The following VPS50 variants were observed in gnomAD, a reference collection of about 807,000 sequenced individuals.
The protein encoded by VPS50 is syndetin.
Under a neutral mutation model 139.7 loss-of-function variants are expected in VPS50, and 70 were observed. That is an observed-to-expected ratio of 0.50 (90% confidence interval 0.41 to 0.61). VPS50 has a LOEUF of 0.61. Ranked by LOEUF, VPS50 falls within the 20% of genes least tolerant of loss-of-function variation. VPS50 has a pLI of 0.00. For missense variants in VPS50, 921 were observed against 1,133.7 expected (o/e 0.81, Z 2.69); for synonymous variants, 365 against 376.7 (o/e 0.97, Z 0.36).
intron 9 of VPS50, among the ~76,000 whole-genome samples, chr7:93,262,854 C>T (rs1005698506): frequency 4.6e-5 from 7 of 152,138 alleles, no homozygotes; most frequent in South Asian, 4.1e-4. Flanking sequence ...TGTTGTTTCA[C>T]TCTTTTGTTT....
chr7:93,358,413 G>T lies in VPS50; in HGVS notation c.2872G>T (p.Asp958Tyr), dbSNP rs368407161. The T allele has an allele frequency of 1.2e-6, 2 of 1,611,094 alleles. No individual in the cohort carries two copies. The highest frequency in any genetic ancestry group is 1.7e-6 in the Non-Finnish European group (2 of 1,177,716). ...ARQKLLAAID[D>Y]IDRPKR The stretch of plus-strand genomic sequence containing the variant: ...ACAAAAACTTCTAGCAGCTATAGAT[G>T]ATATAGACAGACCTAAAAGATAATG... Residue 958 changes from aspartate (D) to tyrosine (Y), a missense_variant, in exon 28 of 28, where the codon GAT (aspartate) becomes TAT (tyrosine). Around this residue, in one of 3 missense-constraint regions of VPS50, gnomAD observed 158 missense variants for 156.3 expected, o/e 1.01. Coordinates refer to ENST00000305866, the MANE Select transcript of VPS50 (RefSeq NM_017667.4).
Position 93,275,473 on chromosome 7 carries a change from G to A in VPS50, c.802-692G>A, listed in dbSNP as rs1484759011. Among the ~76,000 whole-genome samples the A allele has an allele frequency of 3.9e-5, 6 of 151,970 alleles. No homozygotes were observed. The East Asian group carries it at 7.7e-4, about 20-fold the overall frequency. On this transcript the variant is annotated intron_variant, in intron 11 of 27. Coordinates refer to ENST00000305866, the MANE Select transcript of VPS50 (RefSeq NM_017667.4). The stretch of plus-strand genomic sequence containing the variant: ...CCATCAACATTGAGACAAGACCCTC[G>A]ACCAGAAAAAAGATCGACTCACTGA...
Position 93,276,202 on chromosome 7 carries a change from C to G in VPS50, c.839C>G (p.Ala280Gly). The change falls in exon 12 of 28, where the codon GCC becomes GGC. Residue 280 changes from alanine (A) to glycine (G), a missense_variant. Around this residue, in one of 3 missense-constraint regions of VPS50, gnomAD observed 744 missense variants for 930.6 expected, o/e 0.80. Coordinates refer to ENST00000305866, the MANE Select transcript of VPS50 (RefSeq NM_017667.4). Reference sequence around the variant, plus strand: ...CAACTTCATATGCACTTCACCCAAGCCATTCACAACACCGTGTTTCAAGTT... The same window carrying G: ...CAACTTCATATGCACTTCACCCAAGGCATTCACAACACCGTGTTTCAAGTT... ...MDQLHMHFTQ[A>G]IHNTVFQVVL... 2 of 1,613,188 alleles carry G rather than the reference C, an allele frequency of 1.2e-6. No homozygotes were observed. Among genetic ancestry groups the G allele is most frequent in the Non-Finnish European group, 1.7e-6 (2 of 1,179,450 alleles).
At chr7:93,342,291 A>G (rs1364609730) in intron 23 of VPS50, among the ~76,000 whole-genome samples, 2 of 152,246 alleles carry the variant, frequency 1.3e-5, no homozygotes, top group East Asian at 1.9e-4. Flanking sequence ...ACGGTGCATC[A>G]GGAGATTATA....
rs79141253 is a variant in VPS50 at position 93,358,272 on chromosome 7, C to T, written c.2776-45C>T. On this transcript the variant is annotated intron_variant, in intron 27 of 27. Coordinates refer to ENST00000305866, the MANE Select transcript of VPS50 (RefSeq NM_017667.4). ...GTTCTTTTGTTGCACTGATCAGATA[C>T]ATTCCTTTTAGGGTACTAAATTTGG... is the stretch of plus-strand genomic sequence containing the variant. 518 of 1,593,256 alleles carry T rather than the reference C, an allele frequency of 3.3e-4. No homozygotes were observed. The African/African-American group carries it at 6.3e-3, about 19-fold the overall frequency.
intron 21 of VPS50, among the ~76,000 whole-genome samples, chr7:93,333,433 A>G (rs188030059): frequency 1.2e-4 from 18 of 152,306 alleles, no homozygotes; most frequent in African/African-American, 4.3e-4. Flanking sequence ...CACAGAGAAC[A>G]TTGTAACATT....
intron 12 of VPS50, among the ~76,000 whole-genome samples, chr7:93,291,494 T>C (rs1436790853): frequency 6.6e-6 from 1 of 152,096 alleles, no homozygotes; most frequent in African/African-American, 2.4e-5. Flanking sequence ...TGGGCTGATA[T>C]TCTTAATGTG....
In VPS50 at chr7:93,331,436, C is replaced by G. The variant is rs1263814671; in HGVS notation, c.1978-2681C>G. 2.6e-5 allele frequency among the ~76,000 whole-genome samples: 4 copies of G among 152,098 alleles called. No individual in the cohort carries two copies. The East Asian group carries it at 7.7e-4, about 29-fold the overall frequency. ...TAGATAAGTGCAACAGAAATAGACACACTTACATGGTCAACTGATTTTTGA... is the reference window on the plus strand; with the variant it reads ...TAGATAAGTGCAACAGAAATAGACAGACTTACATGGTCAACTGATTTTTGA... On this transcript the variant is annotated intron_variant, in intron 21 of 27. Coordinates refer to ENST00000305866, the MANE Select transcript of VPS50 (RefSeq NM_017667.4).
intron 12 of VPS50, among the ~76,000 whole-genome samples, chr7:93,290,047 AATG>A (rs1796605329): frequency 6.6e-6 from 1 of 151,864 alleles, no homozygotes; most frequent in Non-Finnish European, 1.5e-5. Context: ...TGTTATTATA[AATG>A]AGGGTTTCTC....
intron 20 of VPS50, 131 bp from the exon 21 acceptor site, chr7:93,323,480 T>G (rs1353295524): frequency 3.7e-6 from 1 of 272,820 alleles, no homozygotes; most frequent in Non-Finnish European, 6.5e-6. Flanking sequence ...GAGACATGGC[T>G]ACTGTGAGGG....
intron 16 of VPS50, among the ~76,000 whole-genome samples, chr7:93,301,225 C>T (rs1014761946): frequency 1.9e-4 from 28 of 149,984 alleles, no homozygotes; most frequent in African/African-American, 6.7e-4. Flanking sequence ...TGAACCTGTG[C>T]GGCAGAGGTT....
intron 22 of VPS50, 72 bp from the exon 23 acceptor site, chr7:93,341,355 A>G: frequency 1.0e-6 from 1 of 995,006 alleles, no homozygotes; most frequent in Non-Finnish European, 1.5e-6. Context: ...TTTAATTCTA[A>G]TTTTGTCAAA....
intron 2 of VPS50, among the ~76,000 whole-genome samples, chr7:93,243,738 G>A (rs1052779982): frequency 1.3e-5 from 2 of 151,846 alleles, no homozygotes; most frequent in African/African-American, 4.8e-5. Flanking sequence ...TGATAGTAGA[G>A]CCACAACGTT....
At chr7:93,319,275 TTCTC>T (rs997057427) in intron 20 of VPS50, among the ~76,000 whole-genome samples, 1 of 152,162 alleles carries the variant, frequency 6.6e-6, no homozygotes, top group African/African-American at 2.4e-5. Context: ...GGAACCACAC[TTCTC>T]TCTGTGTCTC....
At position 93,294,591 on chromosome 7, in the gene VPS50, C is replaced by A; in HGVS notation, c.1122C>A (p.Gly374=). 6.3e-7 allele frequency: 1 copy of A among 1,596,396 alleles called. No homozygotes were observed. The highest frequency in any genetic ancestry group is 1.1e-5 in the South Asian group (1 of 87,024). Residue 374 remains glycine, a synonymous_variant, in exon 14 of 28, where the codon GGC becomes GGA. Coordinates refer to ENST00000305866, the MANE Select transcript of VPS50 (RefSeq NM_017667.4). ...IGTEETNFDR[G]YIKKKLEHGL... is the part of the protein sequence containing the mutation. ...CTGAAGAAACTAATTTTGATCGTGG[C>A]TACATAAAAAAGAAATTAGAACATG...
At chr7:93,285,342 A>G (rs937485563) in intron 12 of VPS50, among the ~76,000 whole-genome samples, 3 of 152,162 alleles carry the variant, frequency 2.0e-5, no homozygotes, top group Non-Finnish European at 2.9e-5. Flanking sequence ...CATCCCTAAG[A>G]CTTTTCATTT....
intron 20 of VPS50, among the ~76,000 whole-genome samples, chr7:93,322,599 CAAAAAAA>C (rs71528064): frequency 4.5e-5 from 3 of 66,166 alleles, no homozygotes; most frequent in South Asian, 5.6e-4. Context: ...GACTCCGTCT[CAAAAAAA>C]AAAAAAAAAA....
At chr7:93,315,949 A>G (rs1221894075) in intron 20 of VPS50, among the ~76,000 whole-genome samples, 1 of 152,108 alleles carries the variant, frequency 6.6e-6, no homozygotes, top group African/African-American at 2.4e-5. Flanking sequence ...CAAGGGAAAT[A>G]AATACAAAAT....
chr7:93,321,758 G>A (rs150459715), intron 20 of VPS50, among the ~76,000 whole-genome samples: 122 of 151,988 alleles, frequency 8.0e-4, no homozygotes, highest in African/African-American at 2.7e-3. Flanking sequence ...TAATCTTTTC[G>A]GGAATGGAGA....
Sources: gnomAD v4.1 joint callset for allele counts (sites outside exome capture counted in the v4.1 genomes callset) on GRCh38, gnomAD v4.1.1 for gene constraint, gnomAD v4.1.1 regional missense constraint, MANE v1.5 for transcripts, NCBI Gene and HGNC (gene_info 2026-07-23, HGNC 2026-07-21) for gene names.